Variants in PCDH15 observed in about 807,000 individuals in gnomAD.
PCDH15 encodes protocadherin related 15, also known as protocadherin-15.
In PCDH15, 129 loss-of-function variants were observed where a neutral mutation model predicts 178.5. The ratio of observed to expected loss-of-function variants is 0.72; its 90% CI spans 0.63 to 0.84. PCDH15 has a LOEUF of 0.84. Among genes scored for constraint, PCDH15 ranks in the 40% least tolerant of loss-of-function variants. The pLI is 0.00. For missense variants in PCDH15, 2,230 were observed against 2,099.9 expected (o/e 1.06, Z -1.21); for synonymous variants, 800 against 732.0 (o/e 1.09, Z -1.50).
At chr10:54,632,332 T>C (rs531301483) in intron 2 of PCDH15, among the ~76,000 whole-genome samples, 35 of 152,262 alleles carry the variant, frequency 2.3e-4, no homozygotes, top group African/African-American at 7.9e-4. Context: ...TGCTAGGTAC[T>C]ATGCTCACTA....
chr10:55,302,029 T>G (rs1843297739), intron 1 of PCDH15, among the ~76,000 whole-genome samples: 1 of 152,168 alleles, frequency 6.6e-6, no homozygotes, highest in Non-Finnish European at 1.5e-5. Flanking sequence ...ATCTTCCACT[T>G]TATTATTTTA....
intron 2 of PCDH15, among the ~76,000 whole-genome samples, chr10:55,441,985 A>C (rs1325467867): frequency 6.6e-6 from 1 of 152,126 alleles, no homozygotes; most frequent in Non-Finnish European, 1.5e-5. Flanking sequence ...AGCCCCCAGC[A>C]GGTGGAAGAG....
chr10:54,837,584 A>G (rs528975741), intron 3 of PCDH15, among the ~76,000 whole-genome samples: 4 of 152,320 alleles, frequency 2.6e-5, no homozygotes, highest in South Asian at 2.1e-4. Context: ...AAAGTAATCA[A>G]TTATTATTAC....
intron 15 of PCDH15, among the ~76,000 whole-genome samples, chr10:54,100,709 G>C (rs549496019): frequency 6.6e-6 from 1 of 152,236 alleles, no homozygotes; most frequent in East Asian, 1.9e-4. Context: ...TTCTTAAAGA[G>C]ACTACAACTC....
intron 2 of PCDH15, among the ~76,000 whole-genome samples, chr10:55,602,393 A>T (rs962681801): frequency 6.6e-6 from 1 of 152,178 alleles, no homozygotes; most frequent in African/African-American, 2.4e-5. Flanking sequence ...ACCACAGCTC[A>T]AGGAGGCCTG....
chr10:54,417,394 T>C (rs1954593870), intron 3 of PCDH15, among the ~76,000 whole-genome samples: 1 of 150,950 alleles, frequency 6.6e-6, no homozygotes, highest in South Asian at 2.1e-4. Context: ...AGTGATAGAA[T>C]AGAAAACCAA....
chr10:54,934,128 C>G (rs1020198343), intron 2 of PCDH15, among the ~76,000 whole-genome samples: 2 of 152,022 alleles, frequency 1.3e-5, no homozygotes, highest in Admixed American at 6.6e-5. Context: ...AGTAAATAAA[C>G]TTGTGATTTG....
In PCDH15 at chr10:54,554,350, G is replaced by A. The variant is rs188299899; in HGVS notation, c.92-26473C>T. Among the ~76,000 whole-genome samples, 166 of 152,126 alleles carry A rather than the reference G, an allele frequency of 1.1e-3. 1 individual carries two copies. The highest frequency in any genetic ancestry group is 3.9e-3 in the African/African-American group (161 of 41,512). ...GAACTAAGAATCAATGTAAAAGTCT[G>A]GACAAAGTACAGAGGAATTTAGAAT... is the stretch of plus-strand genomic sequence containing the variant. On this transcript the variant is annotated intron_variant, in intron 2 of 37. Transcript: ENST00000644397.
chr10:55,462,125 T>A (rs1171391991), intron 2 of PCDH15, among the ~76,000 whole-genome samples: 2 of 152,162 alleles, frequency 1.3e-5, no homozygotes, highest in African/African-American at 2.4e-5. Flanking sequence ...TTGATAAGTA[T>A]AATGCATTTT....
chr10:55,138,097 A>T (rs1365539033), intron 2 of PCDH15, among the ~76,000 whole-genome samples: 1 of 152,160 alleles, frequency 6.6e-6, no homozygotes, highest in African/African-American at 2.4e-5. Flanking sequence ...TAAGGAGGGT[A>T]TTCTTGCTGC....
intron 6 of PCDH15, among the ~76,000 whole-genome samples, chr10:54,344,763 TTTGCTG>T (rs1034143016): frequency 1.3e-5 from 2 of 151,830 alleles, no homozygotes; most frequent in African/African-American, 2.4e-5. Context: ...TGCCCTTTTC[TTTGCTG>T]TTTCTTTGCT....
At chr10:55,439,532 T>TG (rs1282595234) in intron 2 of PCDH15, among the ~76,000 whole-genome samples, 10 of 151,762 alleles carry the variant, frequency 6.6e-5, no homozygotes, top group Admixed American at 1.3e-4. Flanking sequence ...AAATAAAAGT[T>TG]GGGGGGGAGG....
chr10:54,182,450 A>T (rs753339136), intron 13 of PCDH15, among the ~76,000 whole-genome samples: 1 of 151,988 alleles, frequency 6.6e-6, no homozygotes, highest in Non-Finnish European at 1.5e-5. Context: ...AGAAGAAAAT[A>T]GGTTAATTTC....
At chr10:55,073,383 T>G (rs1374322147) in intron 2 of PCDH15, among the ~76,000 whole-genome samples, 1 of 152,094 alleles carries the variant, frequency 6.6e-6, no homozygotes, top group Non-Finnish European at 1.5e-5. Context: ...CTTAAGCTGA[T>G]AAGCAACTTC....
At chr10:54,857,673 A>T (rs1454136767) in intron 3 of PCDH15, among the ~76,000 whole-genome samples, 1 of 151,608 alleles carries the variant, frequency 6.6e-6, no homozygotes, top group Non-Finnish European at 1.5e-5. Flanking sequence ...GATAGTTGCA[A>T]ACTTCTGGCA....
intron 2 of PCDH15, among the ~76,000 whole-genome samples, chr10:55,457,405 T>C (rs1839577678): frequency 6.6e-6 from 1 of 152,098 alleles, no homozygotes; most frequent in Admixed American, 6.6e-5. Flanking sequence ...TCATGTACTC[T>C]TACTTAGTGT....
chr10:54,002,184 C>A (rs552667245), intron 20 of PCDH15, among the ~76,000 whole-genome samples: 1 of 151,504 alleles, frequency 6.6e-6, no homozygotes, highest in African/African-American at 2.4e-5. Context: ...TTGGAGAGCT[C>A]AAATATATAA....
chr10:55,531,504 A>G (rs1490293335), intron 2 of PCDH15, among the ~76,000 whole-genome samples: 1 of 152,032 alleles, frequency 6.6e-6, no homozygotes, highest in Admixed American at 6.6e-5. Context: ...CAGAACCCCA[A>G]GATATTTTAA....
At chr10:54,774,550 C>A (rs2133311832) in intron 1 of PCDH15, among the ~76,000 whole-genome samples, 1 of 152,194 alleles carries the variant, frequency 6.6e-6, no homozygotes, top group Admixed American at 6.5e-5. Context: ...CATACACATC[C>A]AAACACAGGC....
Sources: allele counts gnomAD v4.1 joint callset (sites outside exome capture counted in the v4.1 genomes callset), GRCh38; gene constraint gnomAD v4.1.1; transcripts MANE v1.5; gene names NCBI Gene and HGNC (gene_info 2026-07-23, HGNC 2026-07-21).